Variants in ATP10D observed in about 807,000 individuals in gnomAD.
The protein encoded by ATP10D is phospholipid-transporting ATPase VD.
A neutral mutation model predicts 144.8 loss-of-function variants in ATP10D; 89 were observed. The ratio of observed to expected loss-of-function variants is 0.61; its 90% confidence interval spans 0.52 to 0.73. The LOEUF (loss-of-function observed/expected upper bound fraction) is 0.73, where lower values mean the gene tolerates loss of function less well. ATP10D is among the 30% of genes least tolerant of loss of function. The pLI is 0.00. For synonymous variants in ATP10D, 571 were observed against 615.1 expected (o/e 0.93, Z 1.06); for missense variants, 1,603 against 1,714.8 (o/e 0.93, Z 1.15).
chr4:47,564,338 T>G (rs1719485197), intron 15 of ATP10D, among the ~76,000 whole-genome samples: 1 of 152,130 alleles, frequency 6.6e-6, no homozygotes, highest in South Asian at 2.1e-4. Flanking sequence ...AAAGTTTTTT[T>G]TTTTTATTTG....
intron 2 of ATP10D, among the ~76,000 whole-genome samples, chr4:47,513,358 C>T (rs998833623): frequency 1.3e-5 from 2 of 152,158 alleles, no homozygotes; most frequent in African/African-American, 4.8e-5. Flanking sequence ...TGCCACTCCT[C>T]TCCTTGTGGA....
intron 3 of ATP10D, among the ~76,000 whole-genome samples, chr4:47,516,805 CAT>C (rs150410762): frequency 0.13 from 19,728 of 152,140 alleles, 1,503 homozygotes; most frequent in South Asian, 0.24. Context: ...CAGAAAAACA[CAT>C]GTGTTGTATT....
At chr4:47,510,232 C>A (rs1235925756) in intron 1 of ATP10D, among the ~76,000 whole-genome samples, 1 of 152,078 alleles carries the variant, frequency 6.6e-6, no homozygotes, top group Non-Finnish European at 1.5e-5. Flanking sequence ...ATCCAAGGGT[C>A]ACTTTTCAGG....
rs1379513033 is a variant in ATP10D, at chr4:47,512,624, C to T, written c.84C>T (p.Tyr28=). ...GATRDDDSGP[Y]NYSSLLACGR... ...CCAGGGATGATGATTCAGGGCCATA[C>T]AACTATTCCTCGTTGCTCGCCTGTG... Residue 28 remains tyrosine, a synonymous_variant, in exon 2 of 23, where the codon TAC becomes TAT. Coordinates refer to ENST00000273859, the MANE Select transcript of ATP10D (RefSeq NM_020453.4). 1.2e-6 allele frequency: 2 copies of T among 1,614,158 alleles called. No individual in the cohort carries two copies. The highest frequency in any genetic ancestry group is 1.7e-6 in the Non-Finnish European group (2 of 1,180,022).
At position 47,557,888 on chromosome 4, in the gene ATP10D, C is replaced by T. The variant is rs747529536; in HGVS notation, c.2049C>T (p.Pro683=). 6.2e-7 allele frequency: 1 copy of T among 1,614,186 alleles called. No homozygotes were observed. The highest frequency in any genetic ancestry group is 2.2e-5 in the East Asian group (1 of 44,882). ...EEEVSQVCES[P]QCSSSSACCT... is the part of the protein sequence containing the mutation. ...AGGTCTCCCAGGTGTGTGAGAGCCCCCAGTGCTCCAGTAGCTCAGCTTGCT... is the reference window on the plus strand; with the variant it reads ...AGGTCTCCCAGGTGTGTGAGAGCCCTCAGTGCTCCAGTAGCTCAGCTTGCT... Residue 683 remains proline, a synonymous_variant, in exon 12 of 23, where the codon CCC becomes CCT. Transcript: ENST00000273859.
chr4:47,550,581 G>A (rs938312723), intron 10 of ATP10D, among the ~76,000 whole-genome samples: 2 of 151,980 alleles, frequency 1.3e-5, no homozygotes, highest in Non-Finnish European at 2.9e-5. Context: ...GGCAAGCCTC[G>A]TGTTCTCTGA....
At chr4:47,580,604 T>A in intron 20 of ATP10D, 126 bp downstream of exon 20, 1 of 799,044 alleles carries the variant, frequency 1.3e-6, no homozygotes, top group Non-Finnish European at 2.1e-6. Context: ...ATTAACTGAC[T>A]AAATTATAAT....
chr4:47,565,762 CTT>C (rs1719603607), intron 15 of ATP10D, among the ~76,000 whole-genome samples: 2 of 151,842 alleles, frequency 1.3e-5, no homozygotes, highest in African/African-American at 2.4e-5. Context: ...AAAAATTACA[CTT>C]ATACCCTTAA....
chr4:47,550,846 G>A (rs557906159), intron 10 of ATP10D, among the ~76,000 whole-genome samples: 13 of 152,140 alleles, frequency 8.5e-5, no homozygotes, highest in South Asian at 4.1e-4. Context: ...GCGGGTCTGC[G>A]ATGGTGGCAA....
rs1721001549 is a variant in ATP10D, at chr4:47,590,949, C to T, written c.3942-93C>T. ...TCAGGAGCCAAGTGGCCACCAGACC[C>T]TTTTACTTTTTTAATTCGTTAGTAT... On this transcript the variant is annotated intron_variant, in intron 22 of 22. Coordinates refer to ENST00000273859, the MANE Select transcript of ATP10D (RefSeq NM_020453.4). The T allele has an allele frequency of 5.0e-6, 5 of 994,216 alleles. No individual in the cohort carries two copies. The Admixed American group carries it at 1.1e-4, about 22-fold the overall frequency. 61.6% of individuals were successfully genotyped at this position (994,216 alleles called of 1,614,324 possible).
At chr4:47,538,625 T>C (rs561846783) in intron 9 of ATP10D, among the ~76,000 whole-genome samples, 1 of 152,240 alleles carries the variant, frequency 6.6e-6, no homozygotes, top group Admixed American at 6.5e-5. Flanking sequence ...CAGGTTGAAA[T>C]AGAGGTGTCT....
chr4:47,516,793 A>G (rs936532321), intron 3 of ATP10D, among the ~76,000 whole-genome samples: 9 of 149,186 alleles, frequency 6.0e-5, no homozygotes, highest in Admixed American at 2.7e-4. Context: ...TCTAAACGAA[A>G]CCAGAAAAAC....
At chr4:47,494,521 A>G (rs1403985637) in intron 1 of ATP10D, among the ~76,000 whole-genome samples, 1 of 95,600 alleles carries the variant, frequency 1.0e-5, no homozygotes, top group Admixed American at 9.6e-5. Flanking sequence ...TAAGTACCTC[A>G]TTTATTGCTG....
chr4:47,572,213 G>C lies in ATP10D; in HGVS notation c.3223G>C (p.Gly1075Arg). The change falls in exon 17 of 23, where the codon GGT becomes CGT. Residue 1075 changes from glycine to arginine, a missense_variant. By Grantham distance (125) the Gly-to-Arg change is moderately radical. Transcript: ENST00000273859. ...QVADIGIGVS[G>R]QEGMQAVMAS... ...GGCAGACATTGGGATAGGGGTCTCA[G>C]GTCAAGAAGGCATGCAGGTGAGTGG... 6.2e-7 allele frequency: 1 copy of C among 1,614,070 alleles called. No individual in the cohort carries two copies. Among genetic ancestry groups the C allele is most frequent in the East Asian group, 2.2e-5 (1 of 44,878 alleles).
chr4:47,580,251 A>G, intron 19 of ATP10D, 147 bp from the exon 20 acceptor site: 1 of 686,524 alleles, frequency 1.5e-6, no homozygotes. Flanking sequence ...ACATTCAGTT[A>G]CCCTTATCTT....
At chr4:47,488,855 G>A (rs1305725494) in intron 1 of ATP10D, among the ~76,000 whole-genome samples, 1 of 152,174 alleles carries the variant, frequency 6.6e-6, no homozygotes, top group Non-Finnish European at 1.5e-5. Context: ...TCATAAAAGA[G>A]GCCACAAAGA....
At chr4:47,526,240 G>A (rs562010395) in intron 5 of ATP10D, among the ~76,000 whole-genome samples, 31 of 152,182 alleles carry the variant, frequency 2.0e-4, no homozygotes, top group Non-Finnish European at 3.7e-4. Context: ...CCAAAAATCA[G>A]GTTTGGTTTA....
At chr4:47,512,017 CAG>C (rs1227061051) in intron 1 of ATP10D, among the ~76,000 whole-genome samples, 1 of 152,210 alleles carries the variant, frequency 6.6e-6, no homozygotes, top group African/African-American at 2.4e-5. Flanking sequence ...TCTTGATTGG[CAG>C]AGAGTTATGC....
At position 47,557,860 on chromosome 4, in the gene ATP10D, A is replaced by AAG; in HGVS notation, c.2024_2025dup (p.Val676ArgfsTer31). 2 of 1,614,098 alleles carry AAG rather than the reference A, an allele frequency of 1.2e-6. No individual in the cohort carries two copies. The highest frequency in any genetic ancestry group is 2.2e-5 in the South Asian group (2 of 91,092). Reference sequence around the variant, plus strand: ...ATGAAACCAGCTTCACCTGTGGAGGAAGAGGTCTCCCAGGTGTGTGAGAGC... The same window carrying AAG: ...ATGAAACCAGCTTCACCTGTGGAGGAAGAGAGGTCTCCCAGGTGTGTGAGAGC... On this transcript the variant is annotated frameshift_variant, in exon 12 of 23. Coordinates refer to ENST00000273859, the MANE Select transcript of ATP10D (RefSeq NM_020453.4). LOFTEE classifies it high-confidence loss of function.
Sources: gnomAD v4.1 joint callset for allele counts (sites outside exome capture counted in the v4.1 genomes callset) on GRCh38, gnomAD v4.1.1 for gene constraint, MANE v1.5 for transcripts, NCBI Gene and HGNC (gene_info 2026-07-23, HGNC 2026-07-21) for gene names.